The following COLGALT2 variants were observed in gnomAD, a reference collection of about 807,000 sequenced individuals.
The protein encoded by COLGALT2 is procollagen galactosyltransferase 2.
In COLGALT2, 49 loss-of-function variants were observed where a neutral mutation model predicts 73.4. That is an observed-to-expected ratio of 0.67 (90% confidence interval 0.53 to 0.85). The LOEUF is 0.85. Ranked by LOEUF, COLGALT2 falls within the 40% of genes least tolerant of loss-of-function variation. The pLI is 0.00. For synonymous variants in COLGALT2, 295 were observed against 307.6 expected (o/e 0.96, Z 0.43); for missense variants, 722 against 790.2 (o/e 0.91, Z 1.03).
chr1:183,965,577 A>C (rs906843208), intron 5 of COLGALT2, among the ~76,000 whole-genome samples: 1 of 152,186 alleles, frequency 6.6e-6, no homozygotes, highest in Non-Finnish European at 1.5e-5. Flanking sequence ...AAGAGAAGAG[A>C]AATAAGTCTT....
At chr1:183,995,547 G>A (rs988835709) in intron 1 of COLGALT2, among the ~76,000 whole-genome samples, 1 of 152,230 alleles carries the variant, frequency 6.6e-6, no homozygotes, top group Admixed American at 6.5e-5. Flanking sequence ...CAGTGGAGGC[G>A]CAGCCTCCGG....
intron 11 of COLGALT2, among the ~76,000 whole-genome samples, chr1:183,930,569 C>CTTTT (rs397861890): frequency 0.012 from 1,403 of 114,090 alleles, no homozygotes; most frequent in Non-Finnish European, 0.015. Context: ...TTTTCTTTTT[C>CTTTT]TTTTTTTTTT....
intron 1 of COLGALT2, among the ~76,000 whole-genome samples, chr1:183,980,762 G>T (rs2986562): frequency 1.3e-5 from 2 of 151,432 alleles, no homozygotes; most frequent in Non-Finnish European, 3.0e-5. Flanking sequence ...CACACACACA[G>T]GCACACAACT....
At chr1:183,947,631 G>A (rs1210272174) in intron 8 of COLGALT2, among the ~76,000 whole-genome samples, 2 of 152,122 alleles carry the variant, frequency 1.3e-5, no homozygotes, top group Non-Finnish European at 2.9e-5. Context: ...AGCTGCAAAT[G>A]TCTCTAGTAA....
At chr1:184,025,371 T>A (rs940195999) in intron 1 of COLGALT2, among the ~76,000 whole-genome samples, 17 of 152,104 alleles carry the variant, frequency 1.1e-4, no homozygotes, top group African/African-American at 4.1e-4. Flanking sequence ...AGAAGTAACA[T>A]CAGAAATTCA....
intron 6 of COLGALT2, among the ~76,000 whole-genome samples, chr1:183,959,154 T>A (rs1670630782): frequency 6.6e-6 from 1 of 152,184 alleles, no homozygotes; most frequent in South Asian, 2.1e-4. Flanking sequence ...GAAACACTTC[T>A]CAATTTTTCC....
chr1:183,931,257 T>G (rs777518606), downstream of COLGALT2, among the ~76,000 whole-genome samples: 5 of 152,142 alleles, frequency 3.3e-5, no homozygotes, highest in Non-Finnish European at 7.3e-5. Flanking sequence ...AGAGAATCCC[T>G]GGGATCTGTG....
intron 4 of COLGALT2, among the ~76,000 whole-genome samples, chr1:183,971,324 T>G (rs1279854254): frequency 6.6e-6 from 1 of 152,152 alleles, no homozygotes; most frequent in Non-Finnish European, 1.5e-5. Flanking sequence ...CAAAAATAAA[T>G]GGAGGAAAAT....
chr1:183,951,837 A>G (rs996321606), intron 7 of COLGALT2, among the ~76,000 whole-genome samples: 3 of 152,216 alleles, frequency 2.0e-5, no homozygotes, highest in Non-Finnish European at 4.4e-5. Flanking sequence ...ATAGAACCAG[A>G]AAAAAATCTT....
chr1:183,944,611 G>A (rs1670201041), intron 9 of COLGALT2, among the ~76,000 whole-genome samples: 1 of 152,018 alleles, frequency 6.6e-6, no homozygotes, highest in Non-Finnish European at 1.5e-5. Context: ...ACAAACAAAG[G>A]TAAAGCTATT....
At position 183,940,799 on chromosome 1, in the gene COLGALT2, T is replaced by C. The variant is rs748893956; in HGVS notation, c.1398-12A>G. Reference sequence around the variant, plus strand: ...TCCTACCAATATAACTGTAAGGAAATGGCAGAGGAGAAAAATTCCACCTTG... The same window carrying C: ...TCCTACCAATATAACTGTAAGGAAACGGCAGAGGAGAAAAATTCCACCTTG... On this transcript the variant is annotated splice_polypyrimidine_tract_variant and intron_variant, in intron 10 of 11. Transcript: ENST00000361927. 3.1e-6 allele frequency: 5 copies of C among 1,611,286 alleles called. No individual in the cohort carries two copies. Among genetic ancestry groups the C allele is most frequent in the Non-Finnish European group, 4.2e-6 (5 of 1,177,398 alleles).
At chr1:183,975,417 T>C (rs1360166832) in intron 2 of COLGALT2, among the ~76,000 whole-genome samples, 1 of 152,148 alleles carries the variant, frequency 6.6e-6, no homozygotes, top group Admixed American at 6.5e-5. Context: ...TATACAAGAA[T>C]CTTTACATGA....
chr1:183,993,320 G>T (rs1671681778), intron 1 of COLGALT2, among the ~76,000 whole-genome samples: 2 of 152,238 alleles, frequency 1.3e-5, no homozygotes, highest in Non-Finnish European at 2.9e-5. Flanking sequence ...AATGCAATCA[G>T]TTGCTTTGAA....
intron 1 of COLGALT2, among the ~76,000 whole-genome samples, chr1:184,034,085 T>G (rs1572691048): frequency 6.6e-6 from 1 of 152,290 alleles, no homozygotes; most frequent in Admixed American, 6.5e-5. Flanking sequence ...CATCCTAAAC[T>G]GAGGTACCAC....
At chr1:183,930,794 T>C (rs1213288471) in intron 11 of COLGALT2, among the ~76,000 whole-genome samples, 1 of 152,118 alleles carries the variant, frequency 6.6e-6, no homozygotes, top group Non-Finnish European at 1.5e-5. Flanking sequence ...GGTTCCTACT[T>C]TGATGACACT....
chr1:184,007,710 T>C (rs1393549911), intron 1 of COLGALT2, among the ~76,000 whole-genome samples: 1 of 152,172 alleles, frequency 6.6e-6, no homozygotes, highest in Non-Finnish European at 1.5e-5. Flanking sequence ...CCATTTGGTG[T>C]GGAGCTCTGT....
At chr1:184,017,176 T>C (rs571692594) in intron 1 of COLGALT2, among the ~76,000 whole-genome samples, 4 of 152,338 alleles carry the variant, frequency 2.6e-5, no homozygotes, top group African/African-American at 9.6e-5. Flanking sequence ...TTTGTGCTCT[T>C]CAAACACAGC....
chr1:183,985,998 G>C (rs1047920141), intron 1 of COLGALT2, among the ~76,000 whole-genome samples: 1 of 152,178 alleles, frequency 6.6e-6, no homozygotes, highest in African/African-American at 2.4e-5. Context: ...AGCAACTACT[G>C]TAATTCATTT....
intron 1 of COLGALT2, among the ~76,000 whole-genome samples, chr1:184,004,687 A>G (rs1211711416): frequency 6.6e-6 from 1 of 152,190 alleles, no homozygotes; most frequent in East Asian, 1.9e-4. Flanking sequence ...CACCATAGAG[A>G]ACATTAATGT....
Sources: allele counts gnomAD v4.1 joint callset (sites outside exome capture counted in the v4.1 genomes callset), GRCh38; gene constraint gnomAD v4.1.1; transcripts MANE v1.5; gene names NCBI Gene and HGNC (gene_info 2026-07-23, HGNC 2026-07-21).